Variants in VCL observed in about 807,000 individuals in gnomAD.
VCL encodes vinculin.
VCL carries 47 observed loss-of-function variants against 125.7 expected under a neutral mutation model. The ratio of observed to expected loss-of-function variants is 0.37; its 90% CI spans 0.30 to 0.48. The LOEUF (loss-of-function observed/expected upper bound fraction) is 0.48, where lower values mean the gene tolerates loss of function less well. VCL is among the 20% of genes least tolerant of loss of function. The pLI, the probability that VCL is intolerant of heterozygous loss-of-function variation, is 0.99. For missense variants in VCL, 1,069 were observed against 1,455.5 expected (o/e 0.73, Z 4.32); for synonymous variants, 458 against 514.6 (o/e 0.89, Z 1.49).
chr10:74,051,091 C>T (rs1424133205), intron 2 of VCL, among the ~76,000 whole-genome samples: 2 of 151,902 alleles, frequency 1.3e-5, no homozygotes, highest in Admixed American at 6.6e-5. Flanking sequence ...AGGCATATGC[C>T]ACCATGCCTG....
intron 6 of VCL, among the ~76,000 whole-genome samples, chr10:74,080,712 A>G (rs1336479382): frequency 6.6e-6 from 1 of 152,208 alleles, no homozygotes; most frequent in African/African-American, 2.4e-5. Flanking sequence ...CATTGACATA[A>G]TTATTCTCCA....
chr10:74,085,856 T>A (rs1564527002), intron 8 of VCL, among the ~76,000 whole-genome samples: 1 of 152,110 alleles, frequency 6.6e-6, no homozygotes, highest in African/African-American at 2.4e-5. Context: ...TATTTATTTA[T>A]TTTTATTTTA....
chr10:74,074,958 G>C (rs1187582349), intron 6 of VCL, 55 bp downstream of exon 6: 5 of 1,604,502 alleles, frequency 3.1e-6, no homozygotes, highest in Non-Finnish European at 4.3e-6. Context: ...CTGGCTGGGG[G>C]TTTTGATTGG....
chr10:74,092,419 A>G (rs1043079565), intron 10 of VCL, among the ~76,000 whole-genome samples: 1 of 152,038 alleles, frequency 6.6e-6, no homozygotes, highest in Non-Finnish European at 1.5e-5. Flanking sequence ...TACTTGGTTG[A>G]GGTTCTTTGG....
chr10:74,074,963 G>A, intron 6 of VCL, 60 bp downstream of exon 6: 1 of 1,603,368 alleles, frequency 6.2e-7, no homozygotes, highest in East Asian at 2.2e-5. Context: ...TGGGGGTTTT[G>A]ATTGGCACCT....
chr10:74,105,943 G>C (rs1342656473), intron 16 of VCL, among the ~76,000 whole-genome samples: 2 of 109,998 alleles, frequency 1.8e-5, no homozygotes, highest in African/African-American at 4.2e-5. Flanking sequence ...TTGAGACGGA[G>C]TTTTGCTCTT....
In VCL at chr10:74,095,873, A is replaced by G. The variant is rs750510337; in HGVS notation, c.1743+18A>G. 4 of 1,611,294 alleles carry G rather than the reference A, an allele frequency of 2.5e-6. No homozygotes were observed. Among genetic ancestry groups the G allele is most frequent in the African/African-American group, 2.7e-5 (2 of 74,944 alleles). ...CCTTAAAGGTAGAAGTCAGGAGCAC[A>G]TATCATTTTACTTTTTATGCTTCCT... On this transcript the variant is annotated intron_variant, in intron 12 of 21. Coordinates refer to ENST00000211998, the MANE Select transcript of VCL (RefSeq NM_014000.3).
intron 6 of VCL, chr10:74,077,693 T>C (rs1226598357): frequency 1.1e-5 from 5 of 453,474 alleles, no homozygotes; most frequent in East Asian, 7.0e-5. Context: ...TGCCTCCCCA[T>C]TGGTGCAGTA....
intron 2 of VCL, among the ~76,000 whole-genome samples, chr10:74,050,212 C>A (rs1266742419): frequency 6.6e-6 from 1 of 152,168 alleles, no homozygotes; most frequent in Non-Finnish European, 1.5e-5. Context: ...CTCTGACAGT[C>A]TGCTTGAAGT....
At chr10:74,025,709 AGGG>A (rs1840759482) in intron 1 of VCL, among the ~76,000 whole-genome samples, 3 of 41,620 alleles carry the variant, frequency 7.2e-5, no homozygotes, top group African/African-American at 1.7e-4. Flanking sequence ...GAAGGAAGGG[AGGG>A]AGGGAGGGAG....
At chr10:74,050,371 C>T (rs140570033) in intron 2 of VCL, among the ~76,000 whole-genome samples, 1 of 152,224 alleles carries the variant, frequency 6.6e-6, no homozygotes, top group East Asian at 1.9e-4. Flanking sequence ...CTTGGGAATT[C>T]TTTGTTTTAA....
chr10:74,062,895 T>C (rs1841502465), intron 2 of VCL, among the ~76,000 whole-genome samples: 2 of 152,102 alleles, frequency 1.3e-5, no homozygotes, highest in African/African-American at 4.8e-5. Flanking sequence ...TGATACCCCG[T>C]CGCTACTAAA....
chr10:74,090,213 C>A lies in VCL; in HGVS notation c.1352+15C>A. The stretch of plus-strand genomic sequence containing the variant: ...CTACGAAGACAGTATGTATTTAACC[C>A]TTACATTGCCTTTTCATATCTTTTC... On this transcript the variant is annotated intron_variant, in intron 10 of 21. Coordinates refer to ENST00000211998, the MANE Select transcript of VCL (RefSeq NM_014000.3). The A allele has an allele frequency of 1.9e-6, 3 of 1,613,616 alleles. No individual in the cohort carries two copies. The highest frequency in any genetic ancestry group is 2.5e-6 in the Non-Finnish European group (3 of 1,179,800).
intron 5 of VCL, among the ~76,000 whole-genome samples, chr10:74,074,159 C>T (rs1032698575): frequency 1.3e-5 from 2 of 152,204 alleles, no homozygotes; most frequent in Admixed American, 6.5e-5. Flanking sequence ...TTGCTCAAAC[C>T]CAGGAGGCGG....
intron 2 of VCL, among the ~76,000 whole-genome samples, chr10:74,069,662 T>C (rs1841631304): frequency 6.6e-6 from 1 of 152,240 alleles, no homozygotes; most frequent in Non-Finnish European, 1.5e-5. Context: ...TTAAGCAGTT[T>C]GTTCCTTATC....
intron 1 of VCL, among the ~76,000 whole-genome samples, chr10:74,001,913 C>T (rs559863563): frequency 2.6e-5 from 4 of 152,112 alleles, no homozygotes; most frequent in Non-Finnish European, 5.9e-5. Flanking sequence ...TACATTTTGA[C>T]TGAAGTAGGC....
Position 74,071,575 on chromosome 10 carries a change from A to G in VCL, c.499+492A>G, listed in dbSNP as rs191944369. Among the ~76,000 whole-genome samples the G allele has an allele frequency of 6.6e-6, 1 of 152,348 alleles. No homozygotes were observed. The highest frequency in any genetic ancestry group is 1.9e-4 in the East Asian group (1 of 5,188). On this transcript the variant is annotated intron_variant, in intron 4 of 21. Coordinates refer to ENST00000211998, the MANE Select transcript of VCL (RefSeq NM_014000.3). The surrounding 1 kb of genome is among the most constrained non-coding windows in gnomAD (Gnocchi z 4.1). ...GGTTAAATCTTATTTTGAAATGATT[A>G]TTCAGGCATCTGAGCATTAAATATT...
rs185517595 is a variant in VCL at position 74,095,062 on chromosome 10, T to G, written c.1544-594T>G. Reference sequence around the variant, plus strand: ...TAGTACAAACTTTCTAAATTTGGTATTAGATGTCAAGAGCTTTAAACAAAG... The same window carrying G: ...TAGTACAAACTTTCTAAATTTGGTAGTAGATGTCAAGAGCTTTAAACAAAG... On this transcript the variant is annotated intron_variant, in intron 11 of 21. Transcript: ENST00000211998. Among the ~76,000 whole-genome samples, 14 of 152,334 alleles carry G rather than the reference T, an allele frequency of 9.2e-5. 1 individual carries two copies. The East Asian group carries it at 2.7e-3, about 29-fold the overall frequency.
In VCL at chr10:74,070,867, AGATT is replaced by A. The variant is rs748367312; in HGVS notation, c.390+51_390+54del. ...GCCTACTCTTGAAGATAATAATGGA[AGATT>A]GATGATTGTTTAGAATGAAAATATG... is the stretch of plus-strand genomic sequence containing the variant. On this transcript the variant is annotated intron_variant, in intron 3 of 21. Transcript: ENST00000211998. 10 of 1,612,832 alleles carry A rather than the reference AGATT, an allele frequency of 6.2e-6. 1 individual carries two copies. The South Asian group carries it at 1.1e-4, about 18-fold the overall frequency.
Sources: allele counts gnomAD v4.1 joint callset (sites outside exome capture counted in the v4.1 genomes callset), GRCh38; gene constraint gnomAD v4.1.1; non-coding constraint Gnocchi (gnomAD v3.1); transcripts MANE v1.5; gene names NCBI Gene and HGNC (gene_info 2026-07-23, HGNC 2026-07-21).